NLGN1: variants seen among roughly 807,000 people sequenced by gnomAD.
NLGN1 encodes the protein neuroligin 1.
Under a neutral mutation model 65.5 loss-of-function variants are expected in NLGN1, and 12 were observed. That is an observed-to-expected ratio of 0.18 (90% CI 0.12 to 0.30). NLGN1 has a LOEUF of 0.30. Among genes scored for constraint, NLGN1 ranks in the 10% least tolerant of loss-of-function variants. NLGN1 has a pLI of 1.00. For synonymous variants in NLGN1, 350 were observed against 359.5 expected (o/e 0.97, Z 0.30); for missense variants, 750 against 1,007.1 (o/e 0.74, Z 3.46).
intron 4 of NLGN1, among the ~76,000 whole-genome samples, chr3:173,901,586 T>C (rs977212017): frequency 6.6e-6 from 1 of 151,998 alleles, no homozygotes; most frequent in Non-Finnish European, 1.5e-5. Flanking sequence ...ATTTCTAAGA[T>C]TGCATACAAA....
intron 2 of NLGN1, among the ~76,000 whole-genome samples, chr3:173,592,129 C>T (rs115891347): frequency 0.043 from 6,473 of 152,224 alleles, 311 homozygotes; most frequent in African/African-American, 0.11. Flanking sequence ...CCCTTCACCT[C>T]CCTGTTCATT....
chr3:173,664,286 T>G (rs1375290616), intron 3 of NLGN1, among the ~76,000 whole-genome samples: 1 of 152,066 alleles, frequency 6.6e-6, no homozygotes, highest in African/African-American at 2.4e-5. Flanking sequence ...TTAAAAAAAT[T>G]CAAATGGTTC....
At chr3:174,120,363 T>C (rs1021107538) in intron 4 of NLGN1, among the ~76,000 whole-genome samples, 2 of 151,566 alleles carry the variant, frequency 1.3e-5, no homozygotes, top group Non-Finnish European at 2.9e-5. Flanking sequence ...AAAAATTAGC[T>C]GGACATCGTG....
chr3:173,420,002 TA>T lies in NLGN1; in HGVS notation c.-389-15004del, dbSNP rs1161609478. 1.7e-3 allele frequency among the ~76,000 whole-genome samples: 154 copies of T among 88,040 alleles called. 1 individual carries two copies. The highest frequency in any genetic ancestry group is 8.6e-3 in the Middle Eastern group (1 of 116). The allele number at this position is 88,040 out of a possible 152,430, so 57.8% of individuals were successfully genotyped here. On this transcript the variant is annotated intron_variant, in intron 1 of 6. Transcript: ENST00000457714. Reference sequence around the variant, plus strand: ...TAAAATAAAATAAAATAAAATAAAGTAAAATAAAATAATAGTGACCCCTGAC... The same window carrying T: ...TAAAATAAAATAAAATAAAATAAAGTAAATAAAATAATAGTGACCCCTGAC...
chr3:173,575,992 G>A (rs1277105512), intron 2 of NLGN1, among the ~76,000 whole-genome samples: 2 of 152,004 alleles, frequency 1.3e-5, no homozygotes, highest in South Asian at 2.1e-4. Context: ...CTAGCCTTAT[G>A]TGGCCATTGA....
chr3:173,455,802 T>C (rs923531668), intron 2 of NLGN1, among the ~76,000 whole-genome samples: 1 of 152,128 alleles, frequency 6.6e-6, no homozygotes, highest in Non-Finnish European at 1.5e-5. Flanking sequence ...CGTTATTGGC[T>C]TACACTGTTA....
intron 2 of NLGN1, among the ~76,000 whole-genome samples, chr3:173,572,982 C>T (rs1321729044): frequency 6.6e-6 from 1 of 152,168 alleles, no homozygotes; most frequent in African/African-American, 2.4e-5. Flanking sequence ...ATTTCTGCCT[C>T]ACAAGAAGTG....
chr3:173,467,000 C>G (rs773119516), intron 2 of NLGN1, among the ~76,000 whole-genome samples: 1 of 151,862 alleles, frequency 6.6e-6, no homozygotes. Flanking sequence ...CAAAATAATA[C>G]GTGATCATTA....
chr3:174,025,377 G>A (rs1254073297), intron 4 of NLGN1, among the ~76,000 whole-genome samples: 1 of 151,876 alleles, frequency 6.6e-6, no homozygotes, highest in Non-Finnish European at 1.5e-5. Context: ...ATGACTATAA[G>A]GATATTAAAA....
intron 3 of NLGN1, among the ~76,000 whole-genome samples, chr3:173,609,531 A>T (rs1221354236): frequency 6.6e-6 from 1 of 151,956 alleles, no homozygotes; most frequent in African/African-American, 2.4e-5. Context: ...TATGTATAAC[A>T]ATGACTCCTA....
intron 4 of NLGN1, among the ~76,000 whole-genome samples, chr3:174,194,092 AT>A (rs11294113): frequency 0.74 from 112,134 of 151,844 alleles, 41,492 homozygotes; most frequent in East Asian, 0.83. Context: ...AAACTGCAAT[AT>A]TTTTTTATTG....
At position 174,066,554 on chromosome 3, in the gene NLGN1, C is replaced by CTGTGTG. The variant is rs1330249971; in HGVS notation, c.647-208760_647-208759insGTGTGT. Among the ~76,000 whole-genome samples the CTGTGTG allele has an allele frequency of 1.5e-3, 199 of 132,990 alleles. 1 individual carries two copies. The highest frequency in any genetic ancestry group is 5.8e-3 in the African/African-American group (190 of 32,694). The allele number at this position is 132,990 out of a possible 152,430, so 87.2% of individuals were successfully genotyped here. ...TCTCTCTCTCTCTCTCTCTCTCTCT[C>CTGTGTG]TCTCTCTCTCTGTGTGTGTGTGTGT... On this transcript the variant is annotated intron_variant, in intron 4 of 6. Transcript: ENST00000457714.
At chr3:173,600,285 T>C (rs1034834254) in intron 2 of NLGN1, among the ~76,000 whole-genome samples, 1 of 151,920 alleles carries the variant, frequency 6.6e-6, no homozygotes, top group African/African-American at 2.4e-5. Flanking sequence ...ATCATGACTA[T>C]AGAACATAAC....
At chr3:174,262,574 CTT>C (rs1264101599) in intron 4 of NLGN1, among the ~76,000 whole-genome samples, 6 of 148,716 alleles carry the variant, frequency 4.0e-5, no homozygotes, top group African/African-American at 1.5e-4. Flanking sequence ...ATTCTTCTCT[CTT>C]TTTTTCTTTA....
intron 2 of NLGN1, among the ~76,000 whole-genome samples, chr3:173,503,483 T>C (rs1318005554): frequency 6.6e-6 from 1 of 152,132 alleles, no homozygotes; most frequent in Non-Finnish European, 1.5e-5. Context: ...TCTGATAATT[T>C]ATAAAAACGA....
intron 3 of NLGN1, among the ~76,000 whole-genome samples, chr3:173,760,675 C>T (rs1184892501): frequency 6.6e-6 from 1 of 151,826 alleles, no homozygotes; most frequent in Non-Finnish European, 1.5e-5. Flanking sequence ...TAATTAAAGC[C>T]ATGAATGATA....
downstream of NLGN1, among the ~76,000 whole-genome samples, chr3:174,291,230 G>A (rs113443772): frequency 9.3e-3 from 1,402 of 150,654 alleles, 23 homozygotes; most frequent in African/African-American, 0.033. Context: ...TCAAGCATAA[G>A]TGATAAGAAG....
rs1491417273 is a variant in NLGN1, at chr3:173,879,253, AAG to A, written c.646+71423_646+71424del. The stretch of plus-strand genomic sequence containing the variant: ...TCTCAGACAAAAAAAAAAAGAAAGA[AAG>A]AAAAAAATGTTTTATTGAGTTCAGG... On this transcript the variant is annotated intron_variant, in intron 4 of 6. Transcript: ENST00000457714. 9.8e-4 allele frequency among the ~76,000 whole-genome samples: 149 copies of A among 151,808 alleles called. 2 individuals are homozygous for A. In the East Asian group the frequency reaches 0.024, roughly 24 times the overall value.
chr3:173,798,076 A>C (rs1320152869), intron 3 of NLGN1, among the ~76,000 whole-genome samples: 1 of 152,162 alleles, frequency 6.6e-6, no homozygotes, highest in Non-Finnish European at 1.5e-5. Context: ...GCCCCGAACA[A>C]AATGAAGACA....
Sources: gnomAD v4.1 joint callset for allele counts (sites outside exome capture counted in the v4.1 genomes callset) on GRCh38, gnomAD v4.1.1 for gene constraint, MANE v1.5 for transcripts, NCBI Gene and HGNC (gene_info 2026-07-23, HGNC 2026-07-21) for gene names.